The following PDGFA variants were observed in gnomAD, a reference collection of about 807,000 sequenced individuals.
The protein encoded by PDGFA is platelet derived growth factor subunit A, also known as platelet-derived growth factor subunit A.
Under a neutral mutation model 25.6 loss-of-function variants are expected in PDGFA, and 9 were observed. The observed-to-expected ratio is 0.35, with a 90% CI of 0.21 to 0.61. The LOEUF is 0.61. PDGFA is among the 20% of genes least tolerant of loss of function. PDGFA has a pLI of 0.75. For synonymous variants in PDGFA, 133 were observed against 111.8 expected, an observed-to-expected ratio of 1.19 and a Z score of -1.20; for missense variants, 242 against 272.8, an observed-to-expected ratio of 0.89 and a Z score of 0.79.
exon 6 of PDGFA, chr7:497,447 G>A (rs1484691097): frequency 6.6e-6 from 1 of 152,066 alleles, no homozygotes; most frequent in Non-Finnish European, 1.5e-5. Context: ...AAGAATTTGG[G>A]TTCTGTCCAA....
chr7:515,241 C>T (rs1315984614), intron 2 of PDGFA, among the ~76,000 whole-genome samples: 1 of 152,196 alleles, frequency 6.6e-6, no homozygotes, highest in Non-Finnish European at 1.5e-5. Context: ...AGCACCCAGC[C>T]CCTTCCTCAT....
At position 500,524 on chromosome 7, in the gene PDGFA, G is replaced by C. The variant is rs1176668843; in HGVS notation, c.580+592C>G. On this transcript the variant is annotated intron_variant, in intron 5 of 5. Transcript: ENST00000402802. This position sits in a 1 kb window ranked among gnomAD's most constrained non-coding sequence, Gnocchi z 5.0. ...CCTGTTAACAAAAGGGCAGGGCGGT[G>C]AGTGGGCCGAGGGACGGCCGTCGGG... 6.2e-7 allele frequency: 1 copy of C among 1,613,784 alleles called. No individual in the cohort carries two copies. The highest frequency in any genetic ancestry group is 1.1e-5 in the South Asian group (1 of 91,050).
At position 517,021 on chromosome 7, in the gene PDGFA, C is replaced by T. The variant is rs1463193286; in HGVS notation, c.160+373G>A. ...CCTTGGGGCCTCGCTCCGCGGGCTG[C>T]CCGCCCGGCGCACGGGCCAGGGCTC... On this transcript the variant is annotated intron_variant, in intron 2 of 5. Transcript: ENST00000402802. This position sits in a 1 kb window ranked among gnomAD's most constrained non-coding sequence, Gnocchi z 7.4. Among the ~76,000 whole-genome samples the T allele has an allele frequency of 6.6e-6, 1 of 151,304 alleles. No homozygotes were observed. Among genetic ancestry groups the T allele is most frequent in the Non-Finnish European group, 1.5e-5 (1 of 67,750 alleles).
Position 500,572 on chromosome 7 carries a change from A to G in PDGFA, c.580+544T>C. 5 of 1,609,530 alleles carry G rather than the reference A, an allele frequency of 3.1e-6. No individual in the cohort carries two copies. The Admixed American group carries it at 5.0e-5, about 16-fold the overall frequency. Reference sequence around the variant, plus strand: ...GGGGTGAAGAACTGAAGCAACAAATACCTACGGCATTTGTTTATCTTTCCA... The same window carrying G: ...GGGGTGAAGAACTGAAGCAACAAATGCCTACGGCATTTGTTTATCTTTCCA... On this transcript the variant is annotated intron_variant, in intron 5 of 5. Coordinates refer to ENST00000402802, the Ensembl canonical transcript of PDGFA. The surrounding 1 kb of genome is among the most constrained non-coding windows in gnomAD (Gnocchi z 5.0).
In PDGFA at chr7:512,594, C is replaced by T. The variant is rs749739686; in HGVS notation, c.161-139G>A. The stretch of plus-strand genomic sequence containing the variant: ...TGGCGGCACAGCCCCTCACAGCTCC[C>T]GCCATTAGGGGCCCTCCAGGAGAAC... On this transcript the variant is annotated intron_variant, in intron 2 of 5. Transcript: ENST00000402802. 54 of 1,545,950 alleles carry T rather than the reference C, an allele frequency of 3.5e-5. 1 individual carries two copies. The South Asian group carries it at 4.5e-4, about 13-fold the overall frequency.
At chr7:511,154 T>C (rs13309625) in intron 3 of PDGFA, among the ~76,000 whole-genome samples, 158 bp from the exon 4 acceptor site, 130,554 of 151,728 alleles carry the variant, frequency 0.86, 57,222 homozygotes, top group Non-Finnish European at 0.96. Context: ...AGCAGAGGCT[T>C]AGGGGCTGGG....
At chr7:501,474 C>G (rs1167160704) in intron 4 of PDGFA, among the ~76,000 whole-genome samples, 1 of 152,160 alleles carries the variant, frequency 6.6e-6, no homozygotes, top group Non-Finnish European at 1.5e-5. Context: ...AGGGTCTCAC[C>G]CTGTCACCTA....
In PDGFA at chr7:508,130, G is replaced by C. The variant is rs184786622; in HGVS notation, c.453+2679C>G. ...GTGTGACGAGGAAACGACCCGGCTG[G>C]CTGCAAAGTCCTTCCCGGAGAACCT... On this transcript the variant is annotated intron_variant, in intron 4 of 5. Transcript: ENST00000402802. Among the ~76,000 whole-genome samples, 318 of 152,248 alleles carry C rather than the reference G, an allele frequency of 2.1e-3. 1 individual carries two copies. Among genetic ancestry groups the C allele is most frequent in the Non-Finnish European group, 3.6e-3 (247 of 68,008 alleles).
chr7:500,555 GA>G lies in PDGFA; in HGVS notation c.580+560del. On this transcript the variant is annotated intron_variant, in intron 5 of 5. Transcript: ENST00000402802. The surrounding 1 kb of genome is among the most constrained non-coding windows in gnomAD (Gnocchi z 5.0). ...GCCGAGGGACGGCCGTCGGGGTGAA[GA>G]ACTGAAGCAACAAATACCTACGGCA... 6.2e-7 allele frequency: 1 copy of G among 1,612,644 alleles called. No individual in the cohort carries two copies.
Position 498,708 on chromosome 7 carries a change from T to G in PDGFA, c.581-134A>C, listed in dbSNP as rs142283894. 104 of 836,106 alleles carry G rather than the reference T, an allele frequency of 1.2e-4. No individual in the cohort carries two copies. The Middle Eastern group carries it at 2.0e-3, about 16-fold the overall frequency. The allele number at this position is 836,106 out of a possible 1,614,324, so 51.8% of individuals were successfully genotyped here. A position where few individuals can be genotyped will look rare whatever the true frequency, so the allele number is the denominator to read the frequency against. ...AGGGGCACACAGGGATTTCAAGTTT[T>G]CAAGAAATTTCCAGAATCACATTTG... is the stretch of plus-strand genomic sequence containing the variant. On this transcript the variant is annotated intron_variant, in intron 5 of 5. Coordinates refer to ENST00000402802, the Ensembl canonical transcript of PDGFA.
intron 2 of PDGFA, 61 bp from the exon 3 acceptor site, chr7:512,516 T>C (rs775906940): frequency 1.2e-5 from 19 of 1,607,906 alleles, no homozygotes; most frequent in East Asian, 4.5e-5. Flanking sequence ...CCTGGGCCTG[T>C]CCAGCCGCAC....
chr7:510,897 G>T, exon 4 of PDGFA: 2 of 1,612,152 alleles, frequency 1.2e-6, no homozygotes, highest in Non-Finnish European at 1.7e-6. Context: ...CTCCACGCAC[G>T]GGGGCCAGAT....
At chr7:511,481 T>G (rs1047020729) in intron 3 of PDGFA, among the ~76,000 whole-genome samples, 2 of 151,454 alleles carry the variant, frequency 1.3e-5, no homozygotes, top group Non-Finnish European at 2.9e-5. Flanking sequence ...GCTCTAGCCT[T>G]CAAAAGTGGT....
Position 502,768 on chromosome 7 carries a change from TCACACACACACACACACA to T in PDGFA, c.454-1544_454-1527del, listed in dbSNP as rs71016866. ...GGCATTCAACAAGAGAGGCAAGAAA[TCACACACACACACACACA>T]CACACACACACACACACACACACAT... On this transcript the variant is annotated intron_variant, in intron 4 of 5. Coordinates refer to ENST00000402802, the Ensembl canonical transcript of PDGFA. Among the ~76,000 whole-genome samples the T allele has an allele frequency of 1.1e-3, 135 of 126,114 alleles. 3 individuals are homozygous for T. In the South Asian group the frequency reaches 0.033, roughly 31 times the overall value. The allele number at this position is 126,114 out of a possible 152,430, so 82.7% of individuals were successfully genotyped here. A position where few individuals can be genotyped will look rare whatever the true frequency, so the allele number is the denominator to read the frequency against.
chr7:504,591 C>T (rs1241737473), intron 4 of PDGFA, among the ~76,000 whole-genome samples: 5 of 152,178 alleles, frequency 3.3e-5, no homozygotes, highest in Non-Finnish European at 5.9e-5. Flanking sequence ...AGCACCCATA[C>T]TCTGCTGCTC....
At chr7:514,664 T>C (rs1372841514) in intron 2 of PDGFA, among the ~76,000 whole-genome samples, 1 of 152,236 alleles carries the variant, frequency 6.6e-6, no homozygotes, top group African/African-American at 2.4e-5. Context: ...AGTCCTGGTC[T>C]GGCATTACTG....
rs191919517 is a variant in PDGFA at position 501,865 on chromosome 7, T to C, written c.454-623A>G. Among the ~76,000 whole-genome samples the C allele has an allele frequency of 5.3e-3, 814 of 152,218 alleles. 10 individuals carry two copies. Among genetic ancestry groups the C allele is most frequent in the Admixed American group, 5.4e-3 (82 of 15,284 alleles). On this transcript the variant is annotated intron_variant, in intron 4 of 5. Transcript: ENST00000402802. ...CTGGGGTGCAGGTGGCCAGGGAAAGTGTTTGCTTGTGTGTGGATGTGCAGC... is the reference window on the plus strand; with the variant it reads ...CTGGGGTGCAGGTGGCCAGGGAAAGCGTTTGCTTGTGTGTGGATGTGCAGC...
Position 500,937 on chromosome 7 carries a change from G to T in PDGFA, c.580+179C>A. 6.3e-7 allele frequency: 1 copy of T among 1,592,292 alleles called. No homozygotes were observed. Among genetic ancestry groups the T allele is most frequent in the Non-Finnish European group, 8.5e-7 (1 of 1,176,586 alleles). On this transcript the variant is annotated intron_variant, in intron 5 of 5. Coordinates refer to ENST00000402802, the Ensembl canonical transcript of PDGFA. This position sits in a 1 kb window ranked among gnomAD's most constrained non-coding sequence, Gnocchi z 5.0. The stretch of plus-strand genomic sequence containing the variant: ...CACCCTCCCCACCGGACACCTGCAG[G>T]TGTGGGATCCGTCTCCCCCGCAGGC...
intron 5 of PDGFA, 78 bp from the exon 6 acceptor site, chr7:498,652 GGAAAACAGGGT>G: frequency 7.5e-7 from 1 of 1,327,742 alleles, no homozygotes; most frequent in Non-Finnish European, 1.1e-6. Flanking sequence ...CTGCATAGGA[GGAAAACAGGGT>G]GAAAACATTT....
Sources: allele counts gnomAD v4.1 joint callset (sites outside exome capture counted in the v4.1 genomes callset), GRCh38; gene constraint gnomAD v4.1.1; non-coding constraint Gnocchi (gnomAD v3.1); transcripts MANE v1.5; gene names NCBI Gene and HGNC (gene_info 2026-07-23, HGNC 2026-07-21).